The following ARHGAP25 variants were observed in gnomAD, a reference collection of about 807,000 sequenced individuals.
ARHGAP25 encodes the protein rho GTPase-activating protein 25.
In ARHGAP25, 34 loss-of-function variants were observed where a neutral mutation model predicts 71.0. The ratio of observed to expected loss-of-function variants is 0.48; its 90% CI spans 0.36 to 0.64. The LOEUF (loss-of-function observed/expected upper bound fraction) is 0.64. Ranked by LOEUF, ARHGAP25 falls within the 30% of genes least tolerant of loss-of-function variation. The probability of loss-of-function intolerance (pLI) is 0.00; values close to 1 mark genes in which losing one functional copy is unlikely to be tolerated. For synonymous variants in ARHGAP25, 282 were observed against 296.5 expected (o/e 0.95, Z 0.50); for missense variants, 706 against 805.1 (o/e 0.88, Z 1.49).
chr2:68,719,746 T>A lies in ARHGAP25; in HGVS notation c.-18+9048T>A, dbSNP rs564217791. ...ACATATACATGAAACCTACTTCTTA[T>A]AAGAATACCCCACAGTAGATATTAT... On this transcript the variant is annotated intron_variant and NMD_transcript_variant, in intron 2 of 7. Coordinates refer to the ARHGAP25 transcript ENST00000463483. Among the ~76,000 whole-genome samples, 13 of 152,268 alleles carry A rather than the reference T, an allele frequency of 8.5e-5. No homozygotes were observed. In the East Asian group the frequency reaches 1.4e-3, roughly 16 times the overall value.
At chr2:68,814,192 A>C (rs750545320) in intron 6 of ARHGAP25, among the ~76,000 whole-genome samples, 4 of 152,232 alleles carry the variant, frequency 2.6e-5, no homozygotes, top group Non-Finnish European at 5.9e-5. Flanking sequence ...GCACAGAAAA[A>C]TCTATAATGA....
intron 1 of ARHGAP25, among the ~76,000 whole-genome samples, chr2:68,769,381 C>A (rs1242132697): frequency 6.6e-6 from 1 of 152,086 alleles, no homozygotes; most frequent in Non-Finnish European, 1.5e-5. Context: ...GATTTATCAC[C>A]CCATAAGATG....
Position 68,782,062 on chromosome 2 carries a change from C to T in ARHGAP25, c.262-171C>T, listed in dbSNP as rs59246115. Among the ~76,000 whole-genome samples, 748 of 152,208 alleles carry T rather than the reference C, an allele frequency of 4.9e-3. 7 individuals are homozygous for T. The highest frequency in any genetic ancestry group is 0.017 in the African/African-American group (721 of 41,526). On this transcript the variant is annotated intron_variant, in intron 2 of 10. Transcript: ENST00000409202. Reference sequence around the variant, plus strand: ...CTGGAATAGCTGCCCTTTGATTTGCCCAAGGCCTGAGTAGCAGAAGGGGCC... The same window carrying T: ...CTGGAATAGCTGCCCTTTGATTTGCTCAAGGCCTGAGTAGCAGAAGGGGCC...
chr2:68,815,762 C>A (rs1417531487), intron 6 of ARHGAP25, among the ~76,000 whole-genome samples: 1 of 151,760 alleles, frequency 6.6e-6, no homozygotes, highest in Non-Finnish European at 1.5e-5. Flanking sequence ...CTGACATCCA[C>A]GGCCATCCAT....
chr2:68,757,720 T>C (rs1338885315), intron 1 of ARHGAP25: 1 of 152,074 alleles, frequency 6.6e-6, no homozygotes, highest in Non-Finnish European at 1.5e-5. Flanking sequence ...GAAAAAAAGA[T>C]CTCAGCAAAG....
Position 68,822,653 on chromosome 2 carries a change from A to G in ARHGAP25, c.1514A>G (p.Asn505Ser). Residue 505 changes from asparagine to serine, a missense_variant, in exon 10 of 11, where the codon AAC becomes AGC. Transcript: ENST00000409202. ...TCCCAACGGACTTCCACCTACGATA[A>G]CGTCCCTTCCCTGCCAGGGTCCCCT... ...SDSQRTSTYD[N>S]VPSLPGSPGE... 6.2e-7 allele frequency: 1 copy of G among 1,614,098 alleles called. No individual in the cohort carries two copies. Among genetic ancestry groups the G allele is most frequent in the Non-Finnish European group, 8.5e-7 (1 of 1,180,026 alleles).
chr2:68,783,182 AC>A (rs1467324547), intron 3 of ARHGAP25, among the ~76,000 whole-genome samples: 1 of 152,244 alleles, frequency 6.6e-6, no homozygotes, highest in Non-Finnish European at 1.5e-5. Flanking sequence ...CCTGGCACTT[AC>A]TATTTGTGTA....
chr2:68,806,270 CT>C (rs1016870635), intron 4 of ARHGAP25, among the ~76,000 whole-genome samples: 12 of 152,338 alleles, frequency 7.9e-5, no homozygotes, highest in African/African-American at 2.4e-4. Flanking sequence ...ATGCATTGTA[CT>C]GCATACATTC....
chr2:68,747,908 T>C (rs1453616201), intron 1 of ARHGAP25, among the ~76,000 whole-genome samples: 1 of 152,254 alleles, frequency 6.6e-6, no homozygotes, highest in Non-Finnish European at 1.5e-5. Context: ...TGCCATTTCT[T>C]GCCTAGTCTA....
In ARHGAP25 at chr2:68,728,268, G is replaced by T. The variant is rs963914991; in HGVS notation, c.-18+17570G>T. Among the ~76,000 whole-genome samples, 7 of 152,126 alleles carry T rather than the reference G, an allele frequency of 4.6e-5. No homozygotes were observed. The East Asian group carries it at 1.2e-3, about 25-fold the overall frequency. On this transcript the variant is annotated intron_variant and NMD_transcript_variant, in intron 2 of 7. Coordinates refer to the ARHGAP25 transcript ENST00000463483. ...GGGAAATGCAAATCAAAACCCCAATGAGATAATAACATTTCATCCTAACCA... is the reference window on the plus strand; with the variant it reads ...GGGAAATGCAAATCAAAACCCCAATTAGATAATAACATTTCATCCTAACCA...
intron 1 of ARHGAP25, among the ~76,000 whole-genome samples, chr2:68,758,665 G>T (rs1206129911): frequency 6.6e-6 from 1 of 151,778 alleles, no homozygotes; most frequent in African/African-American, 2.4e-5. Flanking sequence ...TAATGTTGGA[G>T]ACTTCAATAC....
intron 2 of ARHGAP25, among the ~76,000 whole-genome samples, chr2:68,728,336 G>A (rs909569502): frequency 6.6e-6 from 1 of 152,152 alleles, no homozygotes; most frequent in Non-Finnish European, 1.5e-5. Context: ...ATGATAACAA[G>A]TGTTGGGGAA....
At position 68,757,695 on chromosome 2, in the gene ARHGAP25, T is replaced by C. The variant is rs149806025; in HGVS notation, c.62-17526T>C. 1.6e-4 allele frequency: 25 copies of C among 152,208 alleles called. No individual in the cohort carries two copies. In the East Asian group the frequency reaches 4.8e-3, roughly 29 times the overall value. 9.4% of individuals were successfully genotyped at this position (152,208 alleles called of 1,614,324 possible). A position where few individuals can be genotyped will look rare whatever the true frequency, so the allele number is the denominator to read the frequency against. ...ATATAAAAGGACACTAAACAATAAC[T>C]TGATGCCATATGAAGAAAAAAAGAT... is the stretch of plus-strand genomic sequence containing the variant. On this transcript the variant is annotated intron_variant, in intron 1 of 10. Coordinates refer to ENST00000409202, the MANE Select transcript of ARHGAP25 (RefSeq NM_001007231.3).
At position 68,719,225 on chromosome 2, in the gene ARHGAP25, GGTCATGGGA is replaced by G. The variant is rs1277719678; in HGVS notation, c.-18+8529_-18+8537del. Among the ~76,000 whole-genome samples the G allele has an allele frequency of 2.0e-5, 3 of 152,088 alleles. No individual in the cohort carries two copies. The East Asian group carries it at 5.8e-4, about 29-fold the overall frequency. ...AGCAAATTATCAACCCCAAGGAGAGGGTCATGGGAGCCCCAGTTTATGGCCAGTCTGTTA... is the reference window on the plus strand; with the variant it reads ...AGCAAATTATCAACCCCAAGGAGAGGGCCCCAGTTTATGGCCAGTCTGTTA... On this transcript the variant is annotated intron_variant and NMD_transcript_variant, in intron 2 of 7. Coordinates refer to the ARHGAP25 transcript ENST00000463483.
At chr2:68,816,528 G>A in intron 7 of ARHGAP25, 166 bp downstream of exon 7, 1 of 636,012 alleles carries the variant, frequency 1.6e-6, no homozygotes, top group Non-Finnish European at 2.7e-6. Context: ...ATAATTTCAA[G>A]GATTCTGAAA....
chr2:68,727,812 G>A (rs1272821592), intron 2 of ARHGAP25, among the ~76,000 whole-genome samples: 2 of 152,260 alleles, frequency 1.3e-5, no homozygotes, highest in African/African-American at 2.4e-5. Context: ...AGGGATGACG[G>A]TGACAACCAC....
At chr2:68,814,048 CA>C (rs1156434515) in intron 6 of ARHGAP25, among the ~76,000 whole-genome samples, 1 of 152,108 alleles carries the variant, frequency 6.6e-6, no homozygotes, top group Non-Finnish European at 1.5e-5. Context: ...ACCAAACAAC[CA>C]AAGAAACTGA....
Position 68,767,895 on chromosome 2 carries a change from A to G in ARHGAP25, c.62-7326A>G, listed in dbSNP as rs571732533. On this transcript the variant is annotated intron_variant, in intron 1 of 10. Coordinates refer to ENST00000409202, the MANE Select transcript of ARHGAP25 (RefSeq NM_001007231.3). This position sits in a 1 kb window ranked among gnomAD's most constrained non-coding sequence, Gnocchi z 4.6. ...GGTGGGGCTGAGGCAGCTGCTTCACATGATAGGTTAGGAGTAGTGGCTTTG... is the reference window on the plus strand; with the variant it reads ...GGTGGGGCTGAGGCAGCTGCTTCACGTGATAGGTTAGGAGTAGTGGCTTTG... Among the ~76,000 whole-genome samples the G allele has an allele frequency of 8.5e-5, 13 of 152,306 alleles. No individual in the cohort carries two copies. The highest frequency in any genetic ancestry group is 2.2e-4 in the African/African-American group (9 of 41,570).
rs10208650 is a variant in ARHGAP25 at position 68,782,657 on chromosome 2, T to A, written c.349+337T>A. ...TTCTCTACTCACTAAAATGAACTCATTGTAGAAGGAGAGTAGGTCATCAAA... is the reference window on the plus strand; with the variant it reads ...TTCTCTACTCACTAAAATGAACTCAATGTAGAAGGAGAGTAGGTCATCAAA... On this transcript the variant is annotated intron_variant, in intron 3 of 10. Coordinates refer to ENST00000409202, the MANE Select transcript of ARHGAP25 (RefSeq NM_001007231.3). 1.5e-3 allele frequency among the ~76,000 whole-genome samples: 228 copies of A among 152,234 alleles called. 2 individuals are homozygous for A. The highest frequency in any genetic ancestry group is 5.4e-3 in the African/African-American group (223 of 41,560).
Sources: gnomAD v4.1 joint callset for allele counts (sites outside exome capture counted in the v4.1 genomes callset) on GRCh38, gnomAD v4.1.1 for gene constraint, Gnocchi (gnomAD v3.1) non-coding constraint, MANE v1.5 for transcripts, NCBI Gene and HGNC (gene_info 2026-07-23, HGNC 2026-07-21) for gene names.